Variants in PARD3 observed in about 807,000 individuals in gnomAD.
PARD3 encodes the protein partitioning defective 3 homolog.
PARD3 carries 75 observed loss-of-function variants against 155.4 expected under a neutral mutation model. The observed-to-expected ratio is 0.48, with a 90% CI of 0.40 to 0.58. The LOEUF (loss-of-function observed/expected upper bound fraction) is 0.58. PARD3 is among the 20% of genes least tolerant of loss of function. The pLI, the probability that PARD3 is intolerant of heterozygous loss-of-function variation, is 0.00. For synonymous variants in PARD3, 576 were observed against 610.5 expected, an observed-to-expected ratio of 0.94 and a Z score of 0.83; for missense variants, 1,642 against 1,721.7, an observed-to-expected ratio of 0.95 and a Z score of 0.82.
chr10:34,489,621 C>T (rs953908014), intron 3 of PARD3, among the ~76,000 whole-genome samples: 6 of 152,162 alleles, frequency 3.9e-5, no homozygotes, highest in Non-Finnish European at 7.3e-5. Flanking sequence ...CATATGGCTG[C>T]GTGTCTGTTT....
chr10:34,377,356 C>A (rs1299691095), intron 10 of PARD3, among the ~76,000 whole-genome samples: 1 of 152,182 alleles, frequency 6.6e-6, no homozygotes, highest in Non-Finnish European at 1.5e-5. Context: ...CGTCTGTAAT[C>A]CCAGCATTTT....
chr10:34,692,331 G>A (rs2094080713), intron 2 of PARD3, among the ~76,000 whole-genome samples: 1 of 151,584 alleles, frequency 6.6e-6, no homozygotes. Flanking sequence ...ATACCATTCT[G>A]ACCATAGGTC....
chr10:34,304,368 G>T (rs1589118245), intron 20 of PARD3, among the ~76,000 whole-genome samples: 1 of 151,684 alleles, frequency 6.6e-6, no homozygotes, highest in South Asian at 2.1e-4. Context: ...ATTTTGGGAA[G>T]AGAAGAGACC....
Position 34,348,163 on chromosome 10 carries a change from C to G in PARD3, c.2068-48G>C, listed in dbSNP as rs760818940. On this transcript the variant is annotated intron_variant, in intron 14 of 24. Coordinates refer to ENST00000374788, the MANE Select transcript of PARD3 (RefSeq NM_001184785.2). ...GCAAAGAAAAATCAGTACCTGGAGG[C>G]CAATTAGCAGCATGGGAGAATTATA... is the stretch of plus-strand genomic sequence containing the variant. The G allele has an allele frequency of 5.3e-6, 8 of 1,514,582 alleles. No homozygotes were observed. In the Admixed American group the frequency reaches 7.9e-5, roughly 15 times the overall value. The allele number at this position is 1,514,582 out of a possible 1,614,324, so 93.8% of individuals were successfully genotyped here. A position where few individuals can be genotyped will look rare whatever the true frequency, so the allele number is the denominator to read the frequency against.
intron 2 of PARD3, among the ~76,000 whole-genome samples, chr10:34,572,098 C>T (rs1365176222): frequency 6.6e-6 from 1 of 151,864 alleles, no homozygotes; most frequent in Non-Finnish European, 1.5e-5. Flanking sequence ...CTCTAAATAC[C>T]TTCTACAAAT....
intron 1 of PARD3, among the ~76,000 whole-genome samples, chr10:34,773,886 T>C (rs1309685196): frequency 2.0e-5 from 3 of 152,174 alleles, no homozygotes; most frequent in Non-Finnish European, 4.4e-5. Context: ...GAAAGAATAA[T>C]AGAGACTTAA....
chr10:34,176,644 T>A (rs1589026642), intron 22 of PARD3, among the ~76,000 whole-genome samples: 2 of 152,136 alleles, frequency 1.3e-5, no homozygotes, highest in South Asian at 4.1e-4. Flanking sequence ...TGCCAATCAT[T>A]CCTCCAGCAC....
At chr10:34,195,049 T>C (rs1160762801) in intron 22 of PARD3, among the ~76,000 whole-genome samples, 2 of 152,208 alleles carry the variant, frequency 1.3e-5, no homozygotes, top group Admixed American at 6.5e-5. Context: ...GTAAAATTAA[T>C]AGGAGAATCC....
At chr10:34,239,129 T>C (rs911870519) in intron 22 of PARD3, among the ~76,000 whole-genome samples, 1 of 152,224 alleles carries the variant, frequency 6.6e-6, no homozygotes, top group African/African-American at 2.4e-5. Flanking sequence ...TGTTTTAAGT[T>C]AAATCGAACA....
At chr10:34,492,933 T>C (rs2080017229) in intron 3 of PARD3, among the ~76,000 whole-genome samples, 1 of 152,220 alleles carries the variant, frequency 6.6e-6, no homozygotes, top group Non-Finnish European at 1.5e-5. Flanking sequence ...TCTCAATGAT[T>C]GGAAAATGAG....
At position 34,173,308 on chromosome 10, in the gene PARD3, G is replaced by A. The variant is rs868835454; in HGVS notation, c.3420-41725C>T. On this transcript the variant is annotated intron_variant, in intron 22 of 24. Coordinates refer to ENST00000374788, the MANE Select transcript of PARD3 (RefSeq NM_001184785.2). ...GTAATATTTCAAGGCCATGCAATAA[G>A]CAAACCCATGTCCACGGTACCAGGA... Among the ~76,000 whole-genome samples the A allele has an allele frequency of 1.7e-4, 26 of 152,172 alleles. 1 individual carries two copies. Among genetic ancestry groups the A allele is most frequent in the African/African-American group, 6.0e-4 (25 of 41,428 alleles).
In PARD3 at chr10:34,345,834, T is replaced by C. The variant is rs143486759; in HGVS notation, c.2218+2131A>G. On this transcript the variant is annotated intron_variant, in intron 15 of 24. Coordinates refer to ENST00000374788, the MANE Select transcript of PARD3 (RefSeq NM_001184785.2). ...GGTAACTAATTTCACAAATTGCATTTGATTCTTACGGCCAAAGATACTAGA... is the reference window on the plus strand; with the variant it reads ...GGTAACTAATTTCACAAATTGCATTCGATTCTTACGGCCAAAGATACTAGA... 2,171 of 985,184 alleles carry C rather than the reference T, an allele frequency of 2.2e-3. 37 individuals are homozygous for C. The African/African-American group carries it at 0.035, about 16-fold the overall frequency. 61.0% of individuals were successfully genotyped at this position (985,184 alleles called of 1,614,324 possible).
intron 1 of PARD3, among the ~76,000 whole-genome samples, chr10:34,764,443 T>C (rs908109227): frequency 3.9e-5 from 6 of 152,184 alleles, no homozygotes; most frequent in African/African-American, 1.2e-4. Flanking sequence ...CTTTGAGTGA[T>C]ACATGTAGAA....
intron 1 of PARD3, among the ~76,000 whole-genome samples, chr10:34,702,574 T>C (rs1337329533): frequency 6.6e-6 from 1 of 152,082 alleles, no homozygotes; most frequent in Non-Finnish European, 1.5e-5. Flanking sequence ...AGGTGCCTTG[T>C]TGAAAATGAG....
intron 20 of PARD3, chr10:34,312,355 T>C: frequency 6.2e-7 from 1 of 1,612,612 alleles, no homozygotes. Context: ...TTGTTGTTCA[T>C]CTCTTCTCGG....
In PARD3 at chr10:34,399,420, G is replaced by T; in HGVS notation, c.807-7C>A. ...TACGAGCTTTACCATATCACTGTGA[G>T]ACAATGATGAATGAGGGAGCATGAA... On this transcript the variant is annotated splice_polypyrimidine_tract_variant and splice_region_variant and intron_variant, in intron 6 of 24. Coordinates refer to ENST00000374788, the MANE Select transcript of PARD3 (RefSeq NM_001184785.2). 1 of 1,581,000 alleles carries T rather than the reference G, an allele frequency of 6.3e-7. No homozygotes were observed. Among genetic ancestry groups the T allele is most frequent in the Non-Finnish European group, 8.7e-7 (1 of 1,150,040 alleles).
chr10:34,348,359 T>G (rs1837645723), intron 14 of PARD3, among the ~76,000 whole-genome samples: 1 of 152,210 alleles, frequency 6.6e-6, no homozygotes, highest in Non-Finnish European at 1.5e-5. Context: ...AGGAAAAATA[T>G]GTATATTTAA....
intron 5 of PARD3, among the ~76,000 whole-genome samples, chr10:34,413,138 T>TACACACACACACACAC (rs879785568): frequency 3.2e-5 from 3 of 93,608 alleles, no homozygotes; most frequent in African/African-American, 1.7e-4. Context: ...GTACTTCAGA[T>TACACACACACACACAC]ATATATACAC....
intron 1 of PARD3, among the ~76,000 whole-genome samples, chr10:34,704,738 T>C (rs1026165676): frequency 6.6e-6 from 1 of 152,214 alleles, no homozygotes; most frequent in South Asian, 2.1e-4. Flanking sequence ...ACATGTCACA[T>C]TGAGAAACAC....
Sources: gnomAD v4.1 joint callset for allele counts (sites outside exome capture counted in the v4.1 genomes callset) on GRCh38, gnomAD v4.1.1 for gene constraint, MANE v1.5 for transcripts, NCBI Gene and HGNC (gene_info 2026-07-23, HGNC 2026-07-21) for gene names.